CMTM8: variants seen among roughly 807,000 people sequenced by gnomAD.
CMTM8 encodes the protein CKLF like MARVEL transmembrane domain containing 8.
Under a neutral mutation model 18.6 loss-of-function variants are expected in CMTM8, and 12 were observed. The ratio of observed to expected loss-of-function variants is 0.65; its 90% CI spans 0.41 to 1.05. The LOEUF (loss-of-function observed/expected upper bound fraction) is 1.05. Ranked by LOEUF, CMTM8 falls within the 50% of genes least tolerant of loss-of-function variation. The pLI is 0.00. For missense variants in CMTM8, 217 were observed against 227.2 expected, an observed-to-expected ratio of 0.95 and a Z score of 0.29; for synonymous variants, 87 against 90.6, an observed-to-expected ratio of 0.96 and a Z score of 0.23.
intron 1 of CMTM8, among the ~76,000 whole-genome samples, chr3:32,253,540 A>C (rs1702141047): frequency 6.6e-6 from 1 of 151,844 alleles, no homozygotes; most frequent in African/African-American, 2.4e-5. Context: ...TTTAGTAGCG[A>C]CAGGGTTTCA....
intron 1 of CMTM8, among the ~76,000 whole-genome samples, chr3:32,356,990 TG>T (rs1262137263): frequency 6.6e-6 from 1 of 152,214 alleles, no homozygotes; most frequent in Non-Finnish European, 1.5e-5. Context: ...TGGACTGCCA[TG>T]GTTACCTTCC....
chr3:32,322,122 A>G (rs941991972), intron 1 of CMTM8, among the ~76,000 whole-genome samples: 1 of 152,194 alleles, frequency 6.6e-6, no homozygotes, highest in African/African-American at 2.4e-5. Context: ...TATTGGTGGT[A>G]CTTGGAATCT....
intron 1 of CMTM8, among the ~76,000 whole-genome samples, chr3:32,349,343 A>G (rs1696659487): frequency 6.6e-6 from 1 of 151,838 alleles, no homozygotes; most frequent in Admixed American, 6.6e-5. Flanking sequence ...CTTTTTTCTT[A>G]TGCTAATGAA....
chr3:32,244,666 C>T (rs913533363), intron 1 of CMTM8, among the ~76,000 whole-genome samples: 3 of 152,052 alleles, frequency 2.0e-5, no homozygotes, highest in Non-Finnish European at 2.9e-5. Flanking sequence ...GAATTATTAC[C>T]GTTTTCTGTC....
intron 1 of CMTM8, among the ~76,000 whole-genome samples, chr3:32,339,647 A>G (rs569215780): frequency 8.5e-5 from 13 of 152,330 alleles, no homozygotes; most frequent in South Asian, 2.1e-4. Context: ...CCTATAAAGT[A>G]TTAAACATAC....
intron 1 of CMTM8, among the ~76,000 whole-genome samples, chr3:32,352,229 T>C (rs1372429277): frequency 7.3e-6 from 1 of 137,220 alleles, no homozygotes; most frequent in Non-Finnish European, 1.6e-5. Flanking sequence ...GAAAAAAAAC[T>C]ATCAAGAAAT....
intron 1 of CMTM8, among the ~76,000 whole-genome samples, chr3:32,274,161 T>C (rs2125545413): frequency 6.6e-6 from 1 of 152,072 alleles, no homozygotes; most frequent in East Asian, 1.9e-4. Flanking sequence ...ATTACAGAAA[T>C]TAGCCAGGCA....
intron 1 of CMTM8, among the ~76,000 whole-genome samples, chr3:32,298,795 G>A (rs1407851538): frequency 7.6e-6 from 1 of 132,334 alleles, no homozygotes; most frequent in Admixed American, 7.6e-5. Context: ...ACCACACCCA[G>A]CTAATATATA....
chr3:32,350,874 G>A (rs1696695635), intron 1 of CMTM8, among the ~76,000 whole-genome samples: 1 of 151,748 alleles, frequency 6.6e-6, no homozygotes, highest in Non-Finnish European at 1.5e-5. Flanking sequence ...AGCCAGGCTG[G>A]TCTCGAACTC....
At chr3:32,342,350 C>G (rs1696515342) in intron 1 of CMTM8, among the ~76,000 whole-genome samples, 2 of 152,190 alleles carry the variant, frequency 1.3e-5, no homozygotes, top group African/African-American at 4.8e-5. Flanking sequence ...AGATATTATA[C>G]TGTTACCAGG....
At chr3:32,349,122 A>G (rs1696654545) in intron 1 of CMTM8, among the ~76,000 whole-genome samples, 2 of 151,528 alleles carry the variant, frequency 1.3e-5, no homozygotes, top group Non-Finnish European at 2.9e-5. Flanking sequence ...ACTTTCTTCC[A>G]GTTTGTTTTT....
chr3:32,354,407 C>T (rs920153277), intron 1 of CMTM8, among the ~76,000 whole-genome samples: 1 of 152,080 alleles, frequency 6.6e-6, no homozygotes, highest in African/African-American at 2.4e-5. Context: ...ACTTTGTTTG[C>T]TTGTGAGGTC....
Position 32,238,713 on chromosome 3 carries a change from T to C in CMTM8, c.-260T>C. The C allele has an allele frequency of 7.0e-6, 1 of 143,288 alleles. No homozygotes were observed. The allele number at this position is 143,288 out of a possible 1,614,324, so 8.9% of individuals were successfully genotyped here. A position where few individuals can be genotyped will look rare whatever the true frequency, so the allele number is the denominator to read the frequency against. On this transcript the variant is annotated 5_prime_UTR_variant, in exon 1 of 4. Transcript: ENST00000307526. Reference sequence around the variant, plus strand: ...CGCCTTCCCCGGCTGCCCGGCAGCCTCCCCTCGCTCGCTCTCCTCTTCCTC... The same window carrying C: ...CGCCTTCCCCGGCTGCCCGGCAGCCCCCCCTCGCTCGCTCTCCTCTTCCTC...
intron 1 of CMTM8, among the ~76,000 whole-genome samples, chr3:32,317,174 G>A (rs11129515): frequency 0.56 from 84,415 of 151,994 alleles, 24,153 homozygotes; most frequent in East Asian, 0.94. Flanking sequence ...ACAGTTGGTC[G>A]TAGGATTGAC....
At chr3:32,260,293 G>GA (rs910766454) in intron 1 of CMTM8, 205 of 748,748 alleles carry the variant, frequency 2.7e-4, no homozygotes, top group Middle Eastern at 3.8e-4. Flanking sequence ...GAGGTCATTG[G>GA]AAAAAAAAAG....
chr3:32,368,517 G>A (rs1346306870), intron 3 of CMTM8, among the ~76,000 whole-genome samples: 1 of 148,526 alleles, frequency 6.7e-6, no homozygotes, highest in African/African-American at 2.5e-5. Context: ...CTGGAGTGCA[G>A]TGGCATAATT....
At chr3:32,331,407 G>A (rs779181693) in intron 1 of CMTM8, among the ~76,000 whole-genome samples, 13 of 151,906 alleles carry the variant, frequency 8.6e-5, no homozygotes, top group Non-Finnish European at 1.8e-4. Flanking sequence ...AACAGTACGG[G>A]GGGTCCTCAA....
intron 1 of CMTM8, among the ~76,000 whole-genome samples, chr3:32,246,015 A>G (rs1186086545): frequency 6.6e-6 from 1 of 152,188 alleles, no homozygotes; most frequent in Non-Finnish European, 1.5e-5. Context: ...ACAGGGTTTC[A>G]CGAAGTTAGC....
chr3:32,366,885 A>C (rs959837489), intron 2 of CMTM8, among the ~76,000 whole-genome samples: 2 of 152,166 alleles, frequency 1.3e-5, no homozygotes, highest in African/African-American at 4.8e-5. Context: ...CCCTTGTCTT[A>C]AAGGTTAAGT....
Sources: allele counts gnomAD v4.1 joint callset (sites outside exome capture counted in the v4.1 genomes callset), GRCh38; gene constraint gnomAD v4.1.1; transcripts MANE v1.5; gene names NCBI Gene and HGNC (gene_info 2026-07-23, HGNC 2026-07-21).